The following STXBP6 variants were observed in gnomAD, a reference collection of about 807,000 sequenced individuals.
STXBP6 encodes syntaxin binding protein 6.
STXBP6 carries 21 observed loss-of-function variants against 26.9 expected under a neutral mutation model. The observed-to-expected ratio is 0.78, with a 90% CI of 0.55 to 1.12. STXBP6 has a LOEUF of 1.12. Ranked by LOEUF, STXBP6 falls within the 50% of genes most tolerant of loss-of-function variation. The probability of loss-of-function intolerance (pLI) is 0.00; values close to 1 mark genes in which losing one functional copy is unlikely to be tolerated. For missense variants in STXBP6, 232 were observed against 257.9 expected, an observed-to-expected ratio of 0.90 and a Z score of 0.69; for synonymous variants, 97 against 92.6, an observed-to-expected ratio of 1.05 and a Z score of -0.27.
intron 1 of STXBP6, among the ~76,000 whole-genome samples, chr14:25,047,391 A>C (rs1310393841): frequency 3.3e-5 from 5 of 152,216 alleles, no homozygotes; most frequent in Admixed American, 6.5e-5. Context: ...AAAATGCCTA[A>C]GGAGACTTCC....
chr14:25,000,360 G>GT (rs1415957268), intron 1 of STXBP6, among the ~76,000 whole-genome samples: 3 of 148,136 alleles, frequency 2.0e-5, no homozygotes, highest in Non-Finnish European at 4.5e-5. Context: ...ACCGTGCCTG[G>GT]CCTTTTTTTT....
intron 1 of STXBP6, among the ~76,000 whole-genome samples, chr14:24,989,830 G>A (rs1453207631): frequency 6.6e-6 from 1 of 152,206 alleles, no homozygotes; most frequent in Non-Finnish European, 1.5e-5. Flanking sequence ...CAGACAGACT[G>A]GGAGGTGTAG....
At chr14:25,037,121 G>A (rs2075568899) in intron 1 of STXBP6, among the ~76,000 whole-genome samples, 2 of 152,162 alleles carry the variant, frequency 1.3e-5, no homozygotes, top group South Asian at 4.1e-4. Context: ...GCCCTGAAGA[G>A]CTCCAAAGAT....
chr14:24,822,828 C>T (rs571535495), intron 4 of STXBP6, among the ~76,000 whole-genome samples: 27 of 152,230 alleles, frequency 1.8e-4, no homozygotes, highest in Middle Eastern at 3.4e-3. Context: ...CTTTGTATAT[C>T]CTGCTATATG....
At chr14:25,010,383 A>G (rs2075001435) in intron 1 of STXBP6, 1 of 152,260 alleles carries the variant, frequency 6.6e-6, no homozygotes, top group Admixed American at 6.5e-5. Context: ...GCTCTTAGCA[A>G]GAGAATTCAA....
intron 1 of STXBP6, among the ~76,000 whole-genome samples, chr14:24,985,411 A>AC (rs1205335002): frequency 9.2e-5 from 14 of 152,190 alleles, no homozygotes; most frequent in African/African-American, 3.1e-4. Flanking sequence ...TACTTTCCAA[A>AC]CCGGAAAACG....
At chr14:24,894,158 G>T (rs1182400361) in intron 2 of STXBP6, among the ~76,000 whole-genome samples, 1 of 152,182 alleles carries the variant, frequency 6.6e-6, no homozygotes, top group Non-Finnish European at 1.5e-5. Context: ...TTGCAGAGTT[G>T]AGGATTGCCT....
intron 2 of STXBP6, among the ~76,000 whole-genome samples, chr14:24,866,072 T>C (rs1163876750): frequency 6.6e-6 from 1 of 152,138 alleles, no homozygotes; most frequent in Non-Finnish European, 1.5e-5. Context: ...TGAAAGTGAC[T>C]TTGGATGAGA....
intron 1 of STXBP6, among the ~76,000 whole-genome samples, chr14:25,016,188 T>C (rs1595324163): frequency 6.6e-6 from 1 of 152,284 alleles, no homozygotes; most frequent in Admixed American, 6.5e-5. Flanking sequence ...TTTCCTACTT[T>C]CCCCTTTTAT....
chr14:24,873,194 T>G (rs1323240080), intron 2 of STXBP6, among the ~76,000 whole-genome samples: 1 of 152,148 alleles, frequency 6.6e-6, no homozygotes, highest in African/African-American at 2.4e-5. Context: ...ATGTATCCCC[T>G]GATAAGCTTG....
intron 1 of STXBP6, among the ~76,000 whole-genome samples, chr14:25,045,558 G>T (rs1438115206): frequency 6.9e-6 from 1 of 145,448 alleles, no homozygotes; most frequent in Non-Finnish European, 1.5e-5. Flanking sequence ...GGTTACAGAA[G>T]AAAAAAAAAC....
intron 1 of STXBP6, among the ~76,000 whole-genome samples, chr14:25,020,951 C>T (rs146201484): frequency 1.8e-4 from 27 of 152,266 alleles, no homozygotes; most frequent in African/African-American, 5.5e-4. Flanking sequence ...CAGGCAGATT[C>T]GTGAGTACCA....
chr14:24,956,716 T>C (rs1238059565), intron 2 of STXBP6, among the ~76,000 whole-genome samples: 1 of 134,356 alleles, frequency 7.4e-6, no homozygotes, highest in African/African-American at 2.5e-5. Flanking sequence ...CACTAAGTAA[T>C]GAGACAGGGG....
At chr14:25,024,891 A>T (rs1459697222) in intron 1 of STXBP6, among the ~76,000 whole-genome samples, 1 of 152,146 alleles carries the variant, frequency 6.6e-6, no homozygotes, top group African/African-American at 2.4e-5. Context: ...GTCAACTAAA[A>T]CTTTCTTCTG....
intron 1 of STXBP6, among the ~76,000 whole-genome samples, chr14:25,035,038 C>A (rs1268994560): frequency 6.6e-6 from 1 of 151,766 alleles, no homozygotes; most frequent in Non-Finnish European, 1.5e-5. Context: ...ATAATCCCAG[C>A]TACTCGGGAG....
In STXBP6 at chr14:24,857,074, A is replaced by G; in HGVS notation, c.238T>C (p.Trp80Arg). The G allele has an allele frequency of 6.2e-7, 1 of 1,613,042 alleles. No homozygotes were observed. Among genetic ancestry groups the G allele is most frequent in the South Asian group, 1.1e-5 (1 of 91,052 alleles). Reference sequence around the variant, plus strand: ...ACCTGGCGAAGCTGCTCGAGCATCCACTGTGATCTCCGAACAAATGATGTG... The same window carrying G: ...ACCTGGCGAAGCTGCTCGAGCATCCGCTGTGATCTCCGAACAAATGATGTG... The part of the protein sequence containing the change: ...GSTSFVRRSQ[W>R]MLEQLRQVNG... The change falls in exon 3 of 6, where the codon TGG (tryptophan) becomes CGG (arginine). Residue 80 changes from tryptophan (W) to arginine (R), a missense_variant. Physicochemically the swap from Trp to Arg is moderately radical, Grantham distance 101 (BLOSUM62 -3). Transcript: ENST00000323944.
At chr14:24,997,860 T>C (rs1405330812) in intron 1 of STXBP6, among the ~76,000 whole-genome samples, 2 of 152,122 alleles carry the variant, frequency 1.3e-5, no homozygotes, top group African/African-American at 4.8e-5. Flanking sequence ...TTATATATAT[T>C]ATATAGCTTG....
At chr14:24,978,150 T>C (rs552587737) in intron 1 of STXBP6, among the ~76,000 whole-genome samples, 1 of 152,326 alleles carries the variant, frequency 6.6e-6, no homozygotes, top group South Asian at 2.1e-4. Flanking sequence ...AACTTAAGAG[T>C]ATCCCAAATC....
intron 2 of STXBP6, among the ~76,000 whole-genome samples, chr14:24,907,375 T>C (rs2071419653): frequency 6.6e-6 from 1 of 152,110 alleles, no homozygotes; most frequent in African/African-American, 2.4e-5. Flanking sequence ...AAAGGGGAAA[T>C]TGCTTCCATT....
Sources: allele counts gnomAD v4.1 joint callset (sites outside exome capture counted in the v4.1 genomes callset), GRCh38; gene constraint gnomAD v4.1.1; transcripts MANE v1.5; gene names NCBI Gene and HGNC (gene_info 2026-07-23, HGNC 2026-07-21).